Variants in POLI observed in about 807,000 individuals in gnomAD.
The protein encoded by POLI is DNA polymerase iota, also known as RAD30 homolog B.
Under a neutral mutation model 51.6 loss-of-function variants are expected in POLI, and 58 were observed. The observed-to-expected ratio is 1.12, with a 90% CI of 0.91 to 1.40. POLI has a LOEUF of 1.40. POLI is among the 40% of genes most tolerant of loss of function. The pLI, the probability that POLI is intolerant of heterozygous loss-of-function variation, is 0.00. For synonymous variants in POLI, 322 were observed against 299.7 expected (o/e 1.07, Z -0.77); for missense variants, 921 against 871.3 (o/e 1.06, Z -0.72).
At chr18:54,270,937 G>GT (rs1233557319) in intron 1 of POLI, 2 of 154,382 alleles carry the variant, frequency 1.3e-5, no homozygotes, top group South Asian at 2.0e-4. Context: ...TTGTATTTCA[G>GT]TTTTTGTTGG....
At chr18:54,291,727 A>G (rs897873068) in intron 8 of POLI, 106 bp from the exon 9 acceptor site, 2 of 581,136 alleles carry the variant, frequency 3.4e-6, no homozygotes, top group Non-Finnish European at 6.0e-6. Context: ...TATAATGTCA[A>G]GATGCCCAGT....
downstream of POLI, among the ~76,000 whole-genome samples, chr18:54,301,283 C>CAA (rs2144629491): frequency 6.6e-6 from 1 of 152,034 alleles, no homozygotes; most frequent in South Asian, 2.1e-4. Context: ...CCATCACACA[C>CAA]ACACACACAC....
At chr18:54,320,501 G>A (rs2088777769) in intron 4 of POLI, 2 of 152,164 alleles carry the variant, frequency 1.3e-5, no homozygotes, top group African/African-American at 2.4e-5. Context: ...AGCTGTTCAA[G>A]CCACAATTCC....
downstream of POLI, among the ~76,000 whole-genome samples, chr18:54,301,043 G>GC (rs1355444176): frequency 6.6e-6 from 1 of 152,164 alleles, no homozygotes; most frequent in Admixed American, 6.5e-5. Context: ...ACTTTGGGAG[G>GC]CCAGGGTGGG....
At chr18:54,269,487 G>C, upstream of POLI, 1 of 1,486,740 alleles carries the variant, frequency 6.7e-7, no homozygotes, top group Non-Finnish European at 8.9e-7. Flanking sequence ...GTAGTCCCCC[G>C]GTTTCCCTGG....
chr18:54,284,998 A>G (rs1310946047), intron 7 of POLI, among the ~76,000 whole-genome samples: 1 of 152,166 alleles, frequency 6.6e-6, no homozygotes, highest in African/African-American at 2.4e-5. Context: ...TTCTCTAATG[A>G]TTCTAGGAGG....
Position 54,297,419 on chromosome 18 carries a change from A to G in POLI, c.*2952A>G. 1 of 982,108 alleles carries G rather than the reference A, an allele frequency of 1.0e-6. No individual in the cohort carries two copies. The highest frequency in any genetic ancestry group is 1.2e-6 in the Non-Finnish European group (1 of 827,444). The allele number at this position is 982,108 out of a possible 1,614,324, so 60.8% of individuals were successfully genotyped here. ...GAGTGTAGGCCTGGAGATTTCCCTTATATGGTACAAACCAGCAATGAATTA... is the reference window on the plus strand; with the variant it reads ...GAGTGTAGGCCTGGAGATTTCCCTTGTATGGTACAAACCAGCAATGAATTA... On this transcript the variant is annotated 3_prime_UTR_variant, in exon 10 of 10. Transcript: ENST00000579534.
intron 7 of POLI, among the ~76,000 whole-genome samples, chr18:54,286,939 A>G (rs1165234498): frequency 6.6e-6 from 1 of 150,534 alleles, no homozygotes; most frequent in East Asian, 1.9e-4. Flanking sequence ...GTGAGACTCC[A>G]TCTCAAAAAA....
rs1312010762 is a variant in POLI at position 54,293,683 on chromosome 18, A to C, written c.1439A>C (p.Lys480Thr). 1 of 1,586,582 alleles carries C rather than the reference A, an allele frequency of 6.3e-7. No individual in the cohort carries two copies. The change falls in exon 10 of 10, where the codon AAA (lysine) becomes ACA (threonine). Residue 480 changes from lysine (K) to threonine (T), a missense_variant. Physicochemically the swap from Lys to Thr is moderately conservative, Grantham distance 78 (BLOSUM62 -1). Transcript: ENST00000579534. ...GACACTCATATGGAAGATTTTCCCA[A>C]AGACAAAGAAACAAACCGGGATTTC... is the stretch of plus-strand genomic sequence containing the variant. The part of the protein sequence containing the change: ...MKDTHMEDFP[K>T]DKETNRDFLP...
At chr18:54,313,294 G>A (rs2088693738) in intron 3 of POLI, among the ~76,000 whole-genome samples, 1 of 152,060 alleles carries the variant, frequency 6.6e-6, no homozygotes. Flanking sequence ...CTTTTACTCT[G>A]CTCCATTGGT....
intron 3 of POLI, among the ~76,000 whole-genome samples, chr18:54,316,661 T>G (rs1056401450): frequency 2.0e-5 from 3 of 152,186 alleles, no homozygotes; most frequent in African/African-American, 7.2e-5. Flanking sequence ...TTTAGGCTTT[T>G]GGGCAGTAGA....
intron 5 of POLI, 150 bp downstream of exon 5, chr18:54,281,053 A>G (rs2087478952): frequency 4.2e-6 from 2 of 479,512 alleles, no homozygotes; most frequent in Admixed American, 7.6e-5. Context: ...GTTCCTGGAA[A>G]AAACTAAGAA....
chr18:54,269,868 C>T (rs1599143661), intron 1 of POLI: 1 of 1,320,148 alleles, frequency 7.6e-7, no homozygotes, highest in South Asian at 2.1e-5. Flanking sequence ...GGGTGGGGCG[C>T]GTCCACACTA....
chr18:54,312,214 C>A (rs545599430), intron 3 of POLI, among the ~76,000 whole-genome samples: 1 of 152,204 alleles, frequency 6.6e-6, no homozygotes, highest in South Asian at 2.1e-4. Flanking sequence ...ATTTGATTTT[C>A]TGTTTCTGTG....
intron 6 of POLI, among the ~76,000 whole-genome samples, chr18:54,283,489 A>T (rs554392386): frequency 6.6e-6 from 1 of 152,160 alleles, no homozygotes; most frequent in Non-Finnish European, 1.5e-5. Context: ...ATTCCTTCTT[A>T]CTTCTCTTCT....
chr18:54,270,059 G>A (rs913228474), intron 1 of POLI: 13 of 996,998 alleles, frequency 1.3e-5, no homozygotes, highest in Non-Finnish European at 1.6e-5. Flanking sequence ...AGTCCTGGCA[G>A]GAAGGGATGG....
intron 8 of POLI, among the ~76,000 whole-genome samples, chr18:54,288,277 A>T (rs1369337791): frequency 6.6e-6 from 1 of 152,106 alleles, no homozygotes; most frequent in Non-Finnish European, 1.5e-5. Context: ...TTTTGGTGTT[A>T]TATGTAAAAA....
At chr18:54,284,639 A>T (rs1053093751) in intron 7 of POLI, 3 of 152,222 alleles carry the variant, frequency 2.0e-5, no homozygotes, top group African/African-American at 7.2e-5. Flanking sequence ...AAGCAGAAGA[A>T]CCCTTGTATC....
Position 54,269,620 on chromosome 18 carries a change from C to G in POLI, c.74C>G (p.Ala25Gly), listed in dbSNP as rs202045769. The G allele has an allele frequency of 1.9e-3, 2,858 of 1,511,014 alleles. 23 individuals carry two copies. Among genetic ancestry groups the G allele is most frequent in the Middle Eastern group, 0.014 (73 of 5,370 alleles). The allele number at this position is 1,511,014 out of a possible 1,614,324, so 93.6% of individuals were successfully genotyped here. Residue 25 changes from alanine to glycine, a missense_variant, in exon 1 of 10, where the codon GCC becomes GGC. By Grantham distance (60) the Ala-to-Gly change is moderately conservative. Transcript: ENST00000579534. The part of the protein sequence containing the change: ...DDDEEDAEAW[A>G]MELADVGAAA... ...GACGAGGAAGACGCCGAGGCCTGGG[C>G]CATGGAACTGGCGGACGTGGGGGCG...
Sources: allele counts gnomAD v4.1 joint callset (sites outside exome capture counted in the v4.1 genomes callset), GRCh38; gene constraint gnomAD v4.1.1; transcripts MANE v1.5; gene names NCBI Gene and HGNC (gene_info 2026-07-23, HGNC 2026-07-21).